Variants in EHMT1 observed in about 807,000 individuals in gnomAD.
EHMT1 encodes the protein euchromatic histone lysine methyltransferase 1.
EHMT1 carries 15 observed loss-of-function variants against 147.2 expected under a neutral mutation model. The ratio of observed to expected loss-of-function variants is 0.10; its 90% CI spans 0.07 to 0.16. The LOEUF (loss-of-function observed/expected upper bound fraction) is 0.16, where lower values mean the gene tolerates loss of function less well. Ranked by LOEUF, EHMT1 falls within the 10% of genes least tolerant of loss-of-function variation. EHMT1 has a pLI of 1.00. For synonymous variants in EHMT1, 795 were observed against 709.6 expected (o/e 1.12, Z -1.91); for missense variants, 1,587 against 1,772.4 (o/e 0.90, Z 1.88).
At chr9:137,709,314 T>G (rs1175207242) in intron 1 of EHMT1, among the ~76,000 whole-genome samples, 1 of 152,056 alleles carries the variant, frequency 6.6e-6, no homozygotes, top group East Asian at 1.9e-4. Context: ...GTGCTCTGCA[T>G]GTTCGAGGGC....
In EHMT1 at chr9:137,726,515, C is replaced by T. The variant is rs560894260; in HGVS notation, c.643-1834C>T. The stretch of plus-strand genomic sequence containing the variant: ...GCACACGACACTTTGCTGATCCGTT[C>T]GCCCGACAGCCGACCCTCGGGTGGC... On this transcript the variant is annotated intron_variant, in intron 3 of 26. Coordinates refer to ENST00000460843, the MANE Select transcript of EHMT1 (RefSeq NM_024757.5). Among the ~76,000 whole-genome samples, 20 of 151,420 alleles carry T rather than the reference C, an allele frequency of 1.3e-4. No homozygotes were observed. In the East Asian group the frequency reaches 3.7e-3, roughly 28 times the overall value.
At chr9:137,755,900 T>C (rs1949343468) in intron 8 of EHMT1, among the ~76,000 whole-genome samples, 1 of 152,228 alleles carries the variant, frequency 6.6e-6, no homozygotes, top group African/African-American at 2.4e-5. Flanking sequence ...TCTGGTTGTT[T>C]TTCTTCTCAT....
chr9:137,811,073 T>TA (rs1226272940), intron 18 of EHMT1, among the ~76,000 whole-genome samples: 2 of 152,118 alleles, frequency 1.3e-5, no homozygotes, highest in Non-Finnish European at 2.9e-5. Flanking sequence ...ATCCTATGAC[T>TA]ATACCCCTGC....
chr9:137,787,703 G>C lies in EHMT1; in HGVS notation c.2383-3145G>C. The C allele has an allele frequency of 1.4e-6, 1 of 699,580 alleles. No individual in the cohort carries two copies. Among genetic ancestry groups the C allele is most frequent in the Non-Finnish European group, 2.5e-6 (1 of 398,070 alleles). 43.3% of individuals were successfully genotyped at this position (699,580 alleles called of 1,614,324 possible). On this transcript the variant is annotated intron_variant, in intron 15 of 26. Transcript: ENST00000460843. This position sits in a 1 kb window ranked among gnomAD's most constrained non-coding sequence, Gnocchi z 4.2. Reference sequence around the variant, plus strand: ...CGGGAGAGCAGCCCGCCTGGGCCAGGGGCCGCCAGGTCCCCAGGGTGCCAC... The same window carrying C: ...CGGGAGAGCAGCCCGCCTGGGCCAGCGGCCGCCAGGTCCCCAGGGTGCCAC...
chr9:137,777,534 G>A, intron 12 of EHMT1: 1 of 346,734 alleles, frequency 2.9e-6, no homozygotes, highest in East Asian at 5.9e-5. Flanking sequence ...CTCAAATTGT[G>A]GACATGTTAA....
intron 1 of EHMT1, among the ~76,000 whole-genome samples, chr9:137,619,415 G>A (rs1298095748): frequency 6.6e-6 from 1 of 152,002 alleles, no homozygotes; most frequent in African/African-American, 2.4e-5. Context: ...CGGCCAGGGT[G>A]CCGGGGAGGT....
intron 1 of EHMT1, among the ~76,000 whole-genome samples, chr9:137,655,768 C>T (rs1481032914): frequency 6.6e-6 from 1 of 152,118 alleles, no homozygotes; most frequent in African/African-American, 2.4e-5. Flanking sequence ...ATCTGGGTCG[C>T]GTGCTCCTTA....
chr9:137,818,515 G>A (rs71512823), intron 25 of EHMT1, among the ~76,000 whole-genome samples: 1 of 150,854 alleles, frequency 6.6e-6, no homozygotes, highest in Admixed American at 6.6e-5. Flanking sequence ...AGAGGCTGAG[G>A]GGGGGCGCCA....
At chr9:137,793,869 T>C (rs568714806) in intron 16 of EHMT1, among the ~76,000 whole-genome samples, 2 of 152,136 alleles carry the variant, frequency 1.3e-5, no homozygotes, top group African/African-American at 2.4e-5. Context: ...AGACTGGAGA[T>C]TCCCTGGGGC....
At chr9:137,744,991 C>G (rs749331675) in intron 6 of EHMT1, among the ~76,000 whole-genome samples, 1 of 152,208 alleles carries the variant, frequency 6.6e-6, no homozygotes, top group Non-Finnish European at 1.5e-5. Flanking sequence ...TTCATAAGGA[C>G]GAACAGTGGA....
intron 1 of EHMT1, among the ~76,000 whole-genome samples, chr9:137,638,730 T>A (rs1223066016): frequency 8.7e-5 from 13 of 149,552 alleles, no homozygotes; most frequent in Non-Finnish European, 3.0e-5. Context: ...CAGTATGACT[T>A]ACGTGTCCTC....
At chr9:137,814,207 CCT>C (rs1017787893) in intron 21 of EHMT1, 39 of 634,498 alleles carry the variant, frequency 6.1e-5, no homozygotes, top group African/African-American at 5.2e-4. Flanking sequence ...CTGCCTGCCC[CCT>C]GTCCCTCTGT....
chr9:137,658,177 G>T (rs1170505567), intron 1 of EHMT1, among the ~76,000 whole-genome samples: 1 of 152,040 alleles, frequency 6.6e-6, no homozygotes, highest in Admixed American at 6.6e-5. Flanking sequence ...TCTCCATTTG[G>T]TCTCACTTTG....
intron 1 of EHMT1, among the ~76,000 whole-genome samples, chr9:137,678,717 C>A (rs969850137): frequency 6.7e-6 from 1 of 149,788 alleles, no homozygotes; most frequent in East Asian, 2.0e-4. Context: ...TGTCCCCCCC[C>A]CCGCTCCCCC....
At chr9:137,821,785 T>G (rs1202806999) in intron 25 of EHMT1, among the ~76,000 whole-genome samples, 1 of 152,242 alleles carries the variant, frequency 6.6e-6, no homozygotes, top group Admixed American at 6.5e-5. Context: ...ACTACCTTGT[T>G]TACTAGTTCA....
chr9:137,833,838 C>G (rs1956397788), intron 25 of EHMT1, among the ~76,000 whole-genome samples: 2 of 152,256 alleles, frequency 1.3e-5, no homozygotes, highest in Non-Finnish European at 2.9e-5. Flanking sequence ...ACGGTCCTCC[C>G]TGGTGCCATT....
At chr9:137,793,064 G>A (rs1952647107) in intron 16 of EHMT1, among the ~76,000 whole-genome samples, 1 of 152,078 alleles carries the variant, frequency 6.6e-6, no homozygotes, top group South Asian at 2.1e-4. Context: ...CCGATCCAAG[G>A]GTTTGTAGAG....
chr9:137,720,842 TG>T (rs1945873652), intron 3 of EHMT1, among the ~76,000 whole-genome samples: 1 of 152,102 alleles, frequency 6.6e-6, no homozygotes, highest in African/African-American at 2.4e-5. Flanking sequence ...ACGTTTTGGA[TG>T]TAAGATTTAC....
intron 6 of EHMT1, chr9:137,746,888 G>C (rs1948585664): frequency 1.3e-5 from 2 of 152,170 alleles, no homozygotes; most frequent in South Asian, 4.1e-4. Flanking sequence ...AATAACTCTA[G>C]GTATTTGTCA....
Sources: gnomAD v4.1 joint callset for allele counts (sites outside exome capture counted in the v4.1 genomes callset) on GRCh38, gnomAD v4.1.1 for gene constraint, Gnocchi (gnomAD v3.1) non-coding constraint, MANE v1.5 for transcripts, NCBI Gene and HGNC (gene_info 2026-07-23, HGNC 2026-07-21) for gene names.